PLXNA1: variants seen among roughly 807,000 people sequenced by gnomAD.
The protein encoded by PLXNA1 is plexin A1.
PLXNA1 carries 77 observed loss-of-function variants against 191.7 expected under a neutral mutation model. The observed-to-expected ratio is 0.40, with a 90% CI of 0.33 to 0.49. The LOEUF (loss-of-function observed/expected upper bound fraction) is 0.49. PLXNA1 is among the 20% of genes least tolerant of loss of function. The probability of loss-of-function intolerance (pLI) is 0.63; values close to 1 mark genes in which losing one functional copy is unlikely to be tolerated. For synonymous variants in PLXNA1, 1,137 were observed against 1,156.4 expected (o/e 0.98, Z 0.34); for missense variants, 2,110 against 2,660.2 (o/e 0.79, Z 4.55).
chr3:127,013,972 C>G, intron 10 of PLXNA1, 48 bp from the exon 11 acceptor site: 1 of 1,560,374 alleles, frequency 6.4e-7, no homozygotes, highest in Non-Finnish European at 8.8e-7. Context: ...GCTTGGGAGG[C>G]CTGGAGGCCG....
rs775792528 is a variant in PLXNA1 at position 127,032,776 on chromosome 3, G to C, written c.5535G>C (p.Gln1845His). Residue 1845 changes from glutamine to histidine, a missense_variant, in exon 31 of 32, where the codon CAG becomes CAC. Physicochemically the swap from Gln to His is conservative, Grantham distance 24. Coordinates refer to ENST00000393409, the MANE Select transcript of PLXNA1 (RefSeq NM_032242.4). ...AGCAGTCCCGCCTGCACCTGAGCCA[G>C]TTCAACAGCATGAGCGCCTTGCACG... is the stretch of plus-strand genomic sequence containing the variant. ...LAEQSRLHLS[Q>H]FNSMSALHEI... The C allele has an allele frequency of 6.8e-6, 11 of 1,613,080 alleles. No homozygotes were observed. The highest frequency in any genetic ancestry group is 9.3e-6 in the Non-Finnish European group (11 of 1,179,838).
Position 126,991,481 on chromosome 3 carries a change from A to T in PLXNA1, c.1292A>T (p.Asp431Val). Residue 431 changes from aspartate (D) to valine (V), a missense_variant, in exon 3 of 32, where the codon GAT (aspartate) becomes GTT (valine). Physicochemically the swap from Asp to Val is radical, Grantham distance 152. Coordinates refer to ENST00000393409, the MANE Select transcript of PLXNA1 (RefSeq NM_032242.4). ...GGGACGCCCCTGTTCGTGGACAAGGATGATGGCCTGACCGCCGTGGCTGCC... is the reference window on the plus strand; with the variant it reads ...GGGACGCCCCTGTTCGTGGACAAGGTTGATGGCCTGACCGCCGTGGCTGCC... ...IEGTPLFVDK[D>V]DGLTAVAAYD... The T allele has an allele frequency of 6.2e-7, 1 of 1,612,672 alleles. No homozygotes were observed. Among genetic ancestry groups the T allele is most frequent in the Non-Finnish European group, 8.5e-7 (1 of 1,179,774 alleles).
At position 126,985,910 on chromosome 3, in the gene PLXNA1, C is replaced by T. The variant is rs1261335307; in HGVS notation, c.-73-2611C>T. The stretch of plus-strand genomic sequence containing the variant: ...TGGGCATGAGGGACCCAGCCCTAGG[C>T]TCGGGGCTCCCCCTTTCTTGGCCGG... On this transcript the variant is annotated intron_variant, in intron 1 of 31. Coordinates refer to ENST00000393409, the MANE Select transcript of PLXNA1 (RefSeq NM_032242.4). Among the ~76,000 whole-genome samples, 5 of 152,236 alleles carry T rather than the reference C, an allele frequency of 3.3e-5. No homozygotes were observed. The East Asian group carries it at 9.6e-4, about 29-fold the overall frequency.
At chr3:127,031,811 C>T (rs183359120) in intron 29 of PLXNA1, 2 of 154,496 alleles carry the variant, frequency 1.3e-5, no homozygotes, top group Non-Finnish European at 2.9e-5. Context: ...CACAGTGGAA[C>T]ATTCTAGACC....
intron 21 of PLXNA1, among the ~76,000 whole-genome samples, chr3:127,020,787 C>G (rs2079148362): frequency 6.6e-6 from 1 of 152,214 alleles, no homozygotes; most frequent in Non-Finnish European, 1.5e-5. Flanking sequence ...GCTCTGGATG[C>G]GAAGCCTCGC....
intron 3 of PLXNA1, among the ~76,000 whole-genome samples, chr3:127,001,827 G>A (rs982758730): frequency 3.3e-5 from 5 of 152,230 alleles, no homozygotes; most frequent in African/African-American, 1.2e-4. Context: ...CTGTCTGAGG[G>A]AGGCAGAGAG....
At position 126,989,200 on chromosome 3, in the gene PLXNA1, A is replaced by G; in HGVS notation, c.607A>G (p.Ser203Gly). Residue 203 changes from serine (S) to glycine (G), a missense_variant, in exon 2 of 32, where the codon AGC becomes GGC. Physicochemically the swap from Ser to Gly is moderately conservative, Grantham distance 56. Transcript: ENST00000393409. ...GKSEYFPTLS[S>G]RRLMANEEDA... ...GTCCGAGTACTTCCCCACACTGTCCAGCCGTCGGCTCATGGCCAACGAGGA... is the reference window on the plus strand; with the variant it reads ...GTCCGAGTACTTCCCCACACTGTCCGGCCGTCGGCTCATGGCCAACGAGGA... 1 of 1,613,610 alleles carries G rather than the reference A, an allele frequency of 6.2e-7. No homozygotes were observed. Among genetic ancestry groups the G allele is most frequent in the South Asian group, 1.1e-5 (1 of 91,090 alleles).
rs553195861 is a variant in PLXNA1, at chr3:127,037,272, T to C, written c.*3255T>C. 111 of 152,780 alleles carry C rather than the reference T, an allele frequency of 7.3e-4. 1 individual carries two copies. The highest frequency in any genetic ancestry group is 2.5e-3 in the African/African-American group (103 of 41,594). 9.5% of individuals were successfully genotyped at this position (152,780 alleles called of 1,614,324 possible). A position where few individuals can be genotyped will look rare whatever the true frequency, so the allele number is the denominator to read the frequency against. On this transcript the variant is annotated 3_prime_UTR_variant, in exon 32 of 32. Coordinates refer to ENST00000393409, the MANE Select transcript of PLXNA1 (RefSeq NM_032242.4). ...TCTTTGCAGAAGCAGCACCGCTGACTGTGGGCCCGGCCCTCAGATGTGTAC... is the reference window on the plus strand; with the variant it reads ...TCTTTGCAGAAGCAGCACCGCTGACCGTGGGCCCGGCCCTCAGATGTGTAC...
rs1213408179 is a variant in PLXNA1 at position 127,005,170 on chromosome 3, C to T, written c.1824C>T (p.Ser608=). ...TCGAGGACTTCACGGAATCTGAGAG[C>T]GTCCTGGAGGATGGCCGGATCCACT... ...CSFEDFTESE[S]VLEDGRIHCR... Residue 608 remains serine, a synonymous_variant, in exon 7 of 32, where the codon AGC becomes AGT. Coordinates refer to ENST00000393409, the MANE Select transcript of PLXNA1 (RefSeq NM_032242.4). 1.4e-5 allele frequency: 23 copies of T among 1,612,458 alleles called. No homozygotes were observed. Among genetic ancestry groups the T allele is most frequent in the South Asian group, 2.2e-5 (2 of 91,034 alleles).
At chr3:127,008,605 T>G (rs2079080013) in intron 9 of PLXNA1, among the ~76,000 whole-genome samples, 1 of 152,084 alleles carries the variant, frequency 6.6e-6, no homozygotes, top group African/African-American at 2.4e-5. Flanking sequence ...CGGGTCTGGC[T>G]GTGGGTGTGG....
intron 3 of PLXNA1, among the ~76,000 whole-genome samples, chr3:127,002,812 GCCCA>G (rs1383572259): frequency 6.6e-6 from 1 of 152,144 alleles, no homozygotes; most frequent in Non-Finnish European, 1.5e-5. Context: ...CCGATGAGAC[GCCCA>G]CCCTCCTCCA....
At chr3:127,025,371 G>A (rs1318665018) in intron 23 of PLXNA1, among the ~76,000 whole-genome samples, 2 of 152,142 alleles carry the variant, frequency 1.3e-5, no homozygotes, top group Admixed American at 1.3e-4. Context: ...CTATTTTGAA[G>A]GTTCCTTTAT....
intron 3 of PLXNA1, among the ~76,000 whole-genome samples, chr3:126,991,804 C>T (rs571570749): frequency 8.5e-5 from 13 of 152,286 alleles, no homozygotes; most frequent in African/African-American, 2.6e-4. Context: ...TTTGAGACCA[C>T]GCAGGAGCCT....
In PLXNA1 at chr3:127,016,564, C is replaced by G. The variant is rs778209530; in HGVS notation, c.3062C>G (p.Pro1021Arg). ...TGCCTGACACCCCCCGGGCAGAGCC[C>G]TGGCAGCGCTCCCATCATCATCAAC... ...IRCLTPPGQSPGSAPIIININ... is the reference protein window; with the variant it reads ...IRCLTPPGQSRGSAPIIININ... Residue 1021 changes from proline to arginine, a missense_variant, in exon 16 of 32, where the codon CCT becomes CGT. Coordinates refer to ENST00000393409, the MANE Select transcript of PLXNA1 (RefSeq NM_032242.4). 1 of 1,613,984 alleles carries G rather than the reference C, an allele frequency of 6.2e-7. No individual in the cohort carries two copies. Among genetic ancestry groups the G allele is most frequent in the Non-Finnish European group, 8.5e-7 (1 of 1,179,958 alleles).
intron 29 of PLXNA1, 23 bp downstream of exon 29, chr3:127,030,435 G>A: frequency 1.2e-6 from 2 of 1,611,934 alleles, no homozygotes; most frequent in South Asian, 1.1e-5. Flanking sequence ...AGGGGGAGGA[G>A]GGGCATCCCC....
Position 126,996,542 on chromosome 3 carries a change from G to A in PLXNA1, c.1377+4976G>A, listed in dbSNP as rs1048495849. Among the ~76,000 whole-genome samples the A allele has an allele frequency of 2.6e-5, 4 of 152,176 alleles. No homozygotes were observed. The South Asian group carries it at 8.3e-4, about 31-fold the overall frequency. On this transcript the variant is annotated intron_variant, in intron 3 of 31. Coordinates refer to ENST00000393409, the MANE Select transcript of PLXNA1 (RefSeq NM_032242.4). ...TCTGTAGTGAGCCTCCCTGTCCAGGGTCTGTGCCAGGGATGTGGTAGGAGA... is the reference window on the plus strand; with the variant it reads ...TCTGTAGTGAGCCTCCCTGTCCAGGATCTGTGCCAGGGATGTGGTAGGAGA...
In PLXNA1 at chr3:126,989,747, T is replaced by C; in HGVS notation, c.1154T>C (p.Leu385Pro). 6.2e-7 allele frequency: 1 copy of C among 1,612,248 alleles called. No individual in the cohort carries two copies. Among genetic ancestry groups the C allele is most frequent in the South Asian group, 1.1e-5 (1 of 90,950 alleles). ...TACCGTGGTGAGGGCAAGCTCTCCCTGCCGTGGCTGCTCAACAAGGAGCTG... is the reference window on the plus strand; with the variant it reads ...TACCGTGGTGAGGGCAAGCTCTCCCCGCCGTGGCTGCTCAACAAGGAGCTG... Reference protein sequence around the residue: ...SCYRGEGKLSLPWLLNKELGC... With the variant: ...SCYRGEGKLSPPWLLNKELGC... The change falls in exon 2 of 32, where the codon CTG (leucine) becomes CCG (proline). Residue 385 changes from leucine (L) to proline (P), a missense_variant. Leu to Pro is a moderately conservative substitution (Grantham distance 98). This residue lies in a region of PLXNA1 where 903 missense variants were observed against 1,015.7 expected (regional missense o/e 0.89). Transcript: ENST00000393409.
chr3:127,021,321 G>A (rs761382916), intron 21 of PLXNA1, among the ~76,000 whole-genome samples: 2 of 152,212 alleles, frequency 1.3e-5, no homozygotes, highest in Non-Finnish European at 2.9e-5. Context: ...CTGTGACTGT[G>A]TATGTTCTGC....
Position 127,014,390 on chromosome 3 carries a change from C to T in PLXNA1, c.2604+15C>T. The T allele has an allele frequency of 6.3e-7, 1 of 1,578,376 alleles. No individual in the cohort carries two copies. Among genetic ancestry groups the T allele is most frequent in the Non-Finnish European group, 8.6e-7 (1 of 1,169,072 alleles). The stretch of plus-strand genomic sequence containing the variant: ...AGATCCTCAAGGTAGGGCCCCCAGC[C>T]CTGCCCCCACACCCCATGCCCCGCC... On this transcript the variant is annotated intron_variant, in intron 12 of 31. Transcript: ENST00000393409.
Sources: allele counts gnomAD v4.1 joint callset (sites outside exome capture counted in the v4.1 genomes callset), GRCh38; gene constraint gnomAD v4.1.1; regional missense constraint gnomAD v4.1.1; transcripts MANE v1.5; gene names NCBI Gene and HGNC (gene_info 2026-07-23, HGNC 2026-07-21).